CNOT6: variants seen among roughly 807,000 people sequenced by gnomAD.
CNOT6 encodes carbon catabolite repression 4 protein.
In CNOT6, 12 loss-of-function variants were observed where a neutral mutation model predicts 61.2. The observed-to-expected ratio is 0.20, with a 90% CI of 0.13 to 0.32. The LOEUF is 0.32. Ranked by LOEUF, CNOT6 falls within the 10% of genes least tolerant of loss-of-function variation. The pLI, the probability that CNOT6 is intolerant of heterozygous loss-of-function variation, is 1.00. For synonymous variants in CNOT6, 225 were observed against 240.6 expected, an observed-to-expected ratio of 0.94 and a Z score of 0.60; for missense variants, 405 against 663.9, an observed-to-expected ratio of 0.61 and a Z score of 4.28.
chr5:180,527,962 G>A (rs931571805), intron 1 of CNOT6, among the ~76,000 whole-genome samples: 2 of 152,138 alleles, frequency 1.3e-5, no homozygotes, highest in African/African-American at 4.8e-5. Flanking sequence ...TCTAACTAAT[G>A]CTTGGTGATC....
At chr5:180,516,469 C>T (rs767545123) in intron 1 of CNOT6, among the ~76,000 whole-genome samples, 1 of 152,090 alleles carries the variant, frequency 6.6e-6, no homozygotes, top group Non-Finnish European at 1.5e-5. Context: ...CGTGAGCCAC[C>T]GCGCCCAGCT....
intron 11 of CNOT6, 29 bp from the exon 12 acceptor site, chr5:180,573,959 T>G: frequency 6.9e-7 from 1 of 1,459,184 alleles, no homozygotes; most frequent in Non-Finnish European, 9.6e-7. Context: ...TCTTATACGG[T>G]GCTTATCTTT....
chr5:180,532,559 C>T (rs1462652281), intron 2 of CNOT6, among the ~76,000 whole-genome samples: 1 of 152,158 alleles, frequency 6.6e-6, no homozygotes, highest in African/African-American at 2.4e-5. Flanking sequence ...AAGAAGACTT[C>T]TGTGACCAAA....
intron 1 of CNOT6, among the ~76,000 whole-genome samples, chr5:180,505,943 A>G (rs184275123): frequency 1.3e-3 from 199 of 152,280 alleles, no homozygotes; most frequent in African/African-American, 4.1e-3. Context: ...TTGGGACTGT[A>G]AAGTATAGGT....
intron 11 of CNOT6, among the ~76,000 whole-genome samples, 183 bp downstream of exon 11, chr5:180,571,615 G>C (rs1448384864): frequency 2.6e-5 from 4 of 152,176 alleles, no homozygotes; most frequent in African/African-American, 9.6e-5. Flanking sequence ...ACCCAGGCTG[G>C]AGTGCAGTGG....
rs1245760679 is a variant in CNOT6, at chr5:180,511,321, C to CA, written c.-3+16566dup. ...GGTGAAACCTTGTCTCTACAAAATA[C>CA]AAAAAAAAGGCCAGGGGCGGTGGCT... is the stretch of plus-strand genomic sequence containing the variant. On this transcript the variant is annotated intron_variant, in intron 1 of 11. Transcript: ENST00000261951. 4.7e-5 allele frequency among the ~76,000 whole-genome samples: 7 copies of CA among 150,028 alleles called. No individual in the cohort carries two copies. The East Asian group carries it at 6.1e-4, about 13-fold the overall frequency.
At chr5:180,552,160 T>C (rs1581545637) in intron 3 of CNOT6, among the ~76,000 whole-genome samples, 2 of 150,922 alleles carry the variant, frequency 1.3e-5, no homozygotes, top group Non-Finnish European at 1.5e-5. Context: ...TGAGCCACCG[T>C]GCCCAGCCCG....
At chr5:180,510,387 G>A (rs1480385215) in intron 1 of CNOT6, among the ~76,000 whole-genome samples, 2 of 152,026 alleles carry the variant, frequency 1.3e-5, no homozygotes, top group African/African-American at 2.4e-5. Flanking sequence ...ACATTGGGAG[G>A]CAGCAGATTT....
intron 1 of CNOT6, among the ~76,000 whole-genome samples, chr5:180,520,229 G>C (rs1434656101): frequency 2.0e-5 from 3 of 152,198 alleles, no homozygotes; most frequent in Admixed American, 6.5e-5. Context: ...TGAAATAATT[G>C]AAATGATCAG....
chr5:180,554,533 TA>T (rs1759783557), intron 4 of CNOT6, among the ~76,000 whole-genome samples: 1 of 151,552 alleles, frequency 6.6e-6, no homozygotes, highest in Non-Finnish European at 1.5e-5. Context: ...TTTAAATAAA[TA>T]GAAATATATG....
chr5:180,572,874 ACTTTTT>A (rs1454062676), intron 11 of CNOT6, among the ~76,000 whole-genome samples: 1 of 152,130 alleles, frequency 6.6e-6, no homozygotes, highest in Non-Finnish European at 1.5e-5. Context: ...CTTTTAAACT[ACTTTTT>A]GCATTTCTGC....
chr5:180,571,976 T>A (rs1405079759), intron 11 of CNOT6, among the ~76,000 whole-genome samples: 1 of 150,840 alleles, frequency 6.6e-6, no homozygotes. Flanking sequence ...TGAAATAATC[T>A]GTAAAATTCC....
chr5:180,505,988 G>C (rs989867067), intron 1 of CNOT6, among the ~76,000 whole-genome samples: 1 of 152,196 alleles, frequency 6.6e-6, no homozygotes, highest in African/African-American at 2.4e-5. Flanking sequence ...ATGCATCTGA[G>C]ACATAAATGA....
intron 4 of CNOT6, among the ~76,000 whole-genome samples, chr5:180,558,610 T>C (rs553136438): frequency 7.3e-6 from 1 of 137,784 alleles, no homozygotes; most frequent in East Asian, 2.0e-4. Flanking sequence ...CTTCCTTCCT[T>C]CTTGTGTTTG....
chr5:180,517,749 G>T (rs1436170051), intron 1 of CNOT6, among the ~76,000 whole-genome samples: 1 of 151,026 alleles, frequency 6.6e-6, no homozygotes, highest in Non-Finnish European at 1.5e-5. Context: ...TCACCATGTT[G>T]GCTAGGCTGG....
At chr5:180,497,815 G>A (rs980115895) in intron 1 of CNOT6, among the ~76,000 whole-genome samples, 4 of 152,076 alleles carry the variant, frequency 2.6e-5, no homozygotes, top group Non-Finnish European at 5.9e-5. Context: ...AGGCCGAGGC[G>A]GGCGGATCAC....
At position 180,574,722 on chromosome 5, in the gene CNOT6, G is replaced by A. The variant is rs188161072; in HGVS notation, c.*522G>A. ...AAAATCATTTGGAAATGATTGTATT[G>A]TAAACTGAGGCTAAATTTTTTTTTA... On this transcript the variant is annotated 3_prime_UTR_variant, in exon 12 of 12. Coordinates refer to ENST00000261951, the MANE Select transcript of CNOT6 (RefSeq NM_001370472.1). 198 of 154,978 alleles carry A rather than the reference G, an allele frequency of 1.3e-3. No homozygotes were observed. Among genetic ancestry groups the A allele is most frequent in the Admixed American group, 3.4e-3 (53 of 15,748 alleles). The allele number at this position is 154,978 out of a possible 1,614,324, so 9.6% of individuals were successfully genotyped here.
At chr5:180,518,256 A>G (rs1320860225) in intron 1 of CNOT6, among the ~76,000 whole-genome samples, 2 of 152,022 alleles carry the variant, frequency 1.3e-5, no homozygotes. Flanking sequence ...TGACATGATG[A>G]CTCCATTAGA....
chr5:180,533,318 A>ATATATATATATC (rs1758490807), intron 2 of CNOT6, among the ~76,000 whole-genome samples: 1 of 56,314 alleles, frequency 1.8e-5, no homozygotes, highest in African/African-American at 4.9e-5. Flanking sequence ...AAACCTATAT[A>ATATATATATATC]TATATATATA....
Sources: allele counts gnomAD v4.1 joint callset (sites outside exome capture counted in the v4.1 genomes callset), GRCh38; gene constraint gnomAD v4.1.1; transcripts MANE v1.5; gene names NCBI Gene and HGNC (gene_info 2026-07-23, HGNC 2026-07-21).